The following ANKRD55 variants were observed in gnomAD, a reference collection of about 807,000 sequenced individuals.
ANKRD55 encodes ankyrin repeat domain-containing protein 55.
Under a neutral mutation model 60.6 loss-of-function variants are expected in ANKRD55, and 41 were observed. The ratio of observed to expected loss-of-function variants is 0.68; its 90% CI spans 0.53 to 0.88. The LOEUF (loss-of-function observed/expected upper bound fraction) is 0.88, where lower values mean the gene tolerates loss of function less well. Ranked by LOEUF, ANKRD55 falls within the 40% of genes least tolerant of loss-of-function variation. ANKRD55 has a pLI of 0.00. For missense variants in ANKRD55, 732 were observed against 767.6 expected (o/e 0.95, Z 0.55); for synonymous variants, 264 against 290.3 (o/e 0.91, Z 0.92).
intron 2 of ANKRD55, chr5:56,192,863 C>A: frequency 1.5e-6 from 1 of 664,308 alleles, no homozygotes; most frequent in Non-Finnish European, 2.6e-6. Flanking sequence ...AAAGGCCAAA[C>A]ATGTCAAAGC....
rs138714495 is a variant in ANKRD55, at chr5:56,159,884, C to T, written c.432G>A (p.Thr144=). 9.0e-5 allele frequency: 145 copies of T among 1,613,314 alleles called. No individual in the cohort carries two copies. In the South Asian group the frequency reaches 9.1e-4, roughly 10 times the overall value. The change falls in exon 6 of 12, where the codon ACG becomes ACA. Residue 144 remains threonine (T), a synonymous_variant. Transcript: ENST00000341048. ...ATAEPDMRLL[T]VLLQQSNISE... ...TGATGTTCGACTGTTGCAACAGGAC[C>T]GTGAGGAGCCTGTAAGGAAAAAATA...
chr5:56,139,933 G>A (rs990218209), intron 7 of ANKRD55, among the ~76,000 whole-genome samples: 3 of 152,118 alleles, frequency 2.0e-5, no homozygotes, highest in African/African-American at 7.2e-5. Flanking sequence ...GCCAGGCATG[G>A]TGGTGTGTGC....
chr5:56,106,284 T>G (rs1040767347), intron 10 of ANKRD55, among the ~76,000 whole-genome samples: 3 of 152,102 alleles, frequency 2.0e-5, no homozygotes, highest in African/African-American at 7.2e-5. Flanking sequence ...ACATTAAACT[T>G]TCACATAAAG....
intron 2 of ANKRD55, among the ~76,000 whole-genome samples, chr5:56,206,198 A>G (rs1759504678): frequency 6.6e-6 from 1 of 151,928 alleles, no homozygotes; most frequent in Admixed American, 6.6e-5. Context: ...GCTGGTCTCA[A>G]ACTCCTGGGC....
intron 2 of ANKRD55, among the ~76,000 whole-genome samples, chr5:56,187,287 G>T (rs916028966): frequency 6.6e-6 from 1 of 152,176 alleles, no homozygotes; most frequent in Non-Finnish European, 1.5e-5. Flanking sequence ...GACCAATCAG[G>T]TAGTAAAGAG....
chr5:56,213,902 T>C (rs1759740954), intron 2 of ANKRD55, among the ~76,000 whole-genome samples: 1 of 152,228 alleles, frequency 6.6e-6, no homozygotes, highest in Admixed American at 6.5e-5. Context: ...TCTGTTCTCA[T>C]GTTGCTAATA....
intron 7 of ANKRD55, among the ~76,000 whole-genome samples, chr5:56,138,846 A>G (rs895572035): frequency 2.6e-5 from 4 of 152,214 alleles, no homozygotes; most frequent in Admixed American, 1.3e-4. Flanking sequence ...GGAAAGAATA[A>G]GGGGAGCTCA....
At chr5:56,186,736 A>G (rs1166224220) in intron 2 of ANKRD55, among the ~76,000 whole-genome samples, 6 of 152,212 alleles carry the variant, frequency 3.9e-5, no homozygotes, top group Non-Finnish European at 5.9e-5. Context: ...TGCACAGAAC[A>G]TTAGTCCCCA....
chr5:56,149,551 C>G (rs1259757321), intron 6 of ANKRD55, among the ~76,000 whole-genome samples: 2 of 152,132 alleles, frequency 1.3e-5, no homozygotes, highest in African/African-American at 4.8e-5. Flanking sequence ...AAAAAAAGAA[C>G]ATCTACATTC....
intron 7 of ANKRD55, among the ~76,000 whole-genome samples, chr5:56,138,072 G>A (rs1375747715): frequency 6.6e-6 from 1 of 151,962 alleles, no homozygotes; most frequent in East Asian, 1.9e-4. Flanking sequence ...TTCACTGCTG[G>A]TGGAAATGCA....
intron 7 of ANKRD55, among the ~76,000 whole-genome samples, chr5:56,138,162 CT>C (rs1403276533): frequency 2.0e-5 from 3 of 150,008 alleles, no homozygotes; most frequent in African/African-American, 7.4e-5. Context: ...GAGTCTTACC[CT>C]GTCACCCAGG....
chr5:56,146,853 A>C (rs753810676), intron 6 of ANKRD55: 1 of 152,212 alleles, frequency 6.6e-6, no homozygotes, highest in Non-Finnish European at 1.5e-5. Flanking sequence ...AGACCACTGC[A>C]CTGTCAAACG....
chr5:56,210,560 C>CAAAAAAAAAAAAAAAAAA (rs59566826), intron 2 of ANKRD55, among the ~76,000 whole-genome samples: 1 of 65,158 alleles, frequency 1.5e-5, no homozygotes, highest in Non-Finnish European at 3.2e-5. Flanking sequence ...GACTACGTCT[C>CAAAAAAAAAAAAAAAAAA]AAAAAAAAAA....
rs369815126 is a variant in ANKRD55 at position 56,161,836 on chromosome 5, T to G, written c.423-1943A>C. On this transcript the variant is annotated intron_variant, in intron 5 of 11. Coordinates refer to ENST00000341048, the MANE Select transcript of ANKRD55 (RefSeq NM_024669.3). ...GACTGCATACAGTACATCTCTTTTA[T>G]GCTCTCTGAATTCTAGATGTAGCCT... 2.2e-4 allele frequency: 77 copies of G among 347,452 alleles called. No individual in the cohort carries two copies. The South Asian group carries it at 7.8e-3, about 35-fold the overall frequency. 21.5% of individuals were successfully genotyped at this position (347,452 alleles called of 1,614,324 possible). A position where few individuals can be genotyped will look rare whatever the true frequency, so the allele number is the denominator to read the frequency against.
chr5:56,144,021 T>A, intron 6 of ANKRD55, 92 bp from the exon 7 acceptor site: 2 of 1,535,990 alleles, frequency 1.3e-6, no homozygotes, highest in Non-Finnish European at 1.8e-6. Flanking sequence ...CTGGGGGCCA[T>A]CACCAGATGC....
At chr5:56,185,700 G>T (rs537686796) in intron 2 of ANKRD55, among the ~76,000 whole-genome samples, 2 of 151,922 alleles carry the variant, frequency 1.3e-5, no homozygotes, top group Non-Finnish European at 2.9e-5. Context: ...AGAGAAAAAG[G>T]TTTTTTTAAG....
At chr5:56,134,883 A>G (rs939178219) in intron 7 of ANKRD55, among the ~76,000 whole-genome samples, 23 of 152,178 alleles carry the variant, frequency 1.5e-4, no homozygotes, top group Non-Finnish European at 2.2e-4. Context: ...TAGCAACGTA[A>G]AAAAAGAATT....
intron 7 of ANKRD55, among the ~76,000 whole-genome samples, chr5:56,135,364 T>C (rs898236081): frequency 2.5e-4 from 33 of 130,136 alleles, no homozygotes; most frequent in African/African-American, 7.4e-4. Context: ...TCTTTCTTTC[T>C]TTCCTTCTTT....
intron 2 of ANKRD55, among the ~76,000 whole-genome samples, chr5:56,186,165 T>C (rs1310851456): frequency 6.6e-6 from 1 of 152,130 alleles, no homozygotes; most frequent in Non-Finnish European, 1.5e-5. Flanking sequence ...TCCTTGTTTT[T>C]GTTTGTTTGT....
Sources: gnomAD v4.1 joint callset for allele counts (sites outside exome capture counted in the v4.1 genomes callset) on GRCh38, gnomAD v4.1.1 for gene constraint, MANE v1.5 for transcripts, NCBI Gene and HGNC (gene_info 2026-07-23, HGNC 2026-07-21) for gene names.